Variants in RANBP17 observed in about 807,000 individuals in gnomAD.
RANBP17 encodes ran-binding protein 17.
RANBP17 carries 158 observed loss-of-function variants against 141.2 expected under a neutral mutation model. The ratio of observed to expected loss-of-function variants is 1.12; its 90% CI spans 0.98 to 1.28. RANBP17 has a LOEUF of 1.28. Among genes scored for constraint, RANBP17 ranks in the 50% most tolerant of loss-of-function variants. RANBP17 has a pLI of 0.00. For missense variants in RANBP17, 1,438 were observed against 1,290.7 expected (o/e 1.11, Z -1.75); for synonymous variants, 430 against 450.0 (o/e 0.96, Z 0.56).
intron 14 of RANBP17, among the ~76,000 whole-genome samples, chr5:171,089,560 C>T (rs931507160): frequency 1.0e-3 from 152 of 151,968 alleles, no homozygotes; most frequent in Middle Eastern, 3.4e-3. Flanking sequence ...CCCCCGGCCT[C>T]GCTGCTGCCT....
At chr5:171,195,349 G>C (rs946502230) in intron 18 of RANBP17, among the ~76,000 whole-genome samples, 2 of 152,160 alleles carry the variant, frequency 1.3e-5, no homozygotes, top group African/African-American at 4.8e-5. Context: ...AATGATACCT[G>C]TATGGTAATA....
intron 25 of RANBP17, among the ~76,000 whole-genome samples, chr5:171,276,338 A>G (rs1486027044): frequency 6.6e-6 from 1 of 152,232 alleles, no homozygotes; most frequent in Non-Finnish European, 1.5e-5. Flanking sequence ...AAACAGAATG[A>G]TGTCATTTTA....
chr5:170,947,323 G>A (rs775725873), intron 12 of RANBP17, among the ~76,000 whole-genome samples: 18 of 151,852 alleles, frequency 1.2e-4, no homozygotes, highest in Non-Finnish European at 2.2e-4. Context: ...TATACCCAGC[G>A]TTGTTTTAGG....
At chr5:171,005,198 C>G (rs1779508654) in intron 14 of RANBP17, among the ~76,000 whole-genome samples, 1 of 152,108 alleles carries the variant, frequency 6.6e-6, no homozygotes, top group Non-Finnish European at 1.5e-5. Flanking sequence ...AATGCCATCC[C>G]CATGAAGCTG....
At chr5:170,940,100 T>C (rs547886542) in intron 12 of RANBP17, among the ~76,000 whole-genome samples, 1 of 152,306 alleles carries the variant, frequency 6.6e-6, no homozygotes, top group East Asian at 1.9e-4. Flanking sequence ...TTAAACCAGA[T>C]TATAAATTTG....
intron 25 of RANBP17, among the ~76,000 whole-genome samples, chr5:171,272,690 G>A (rs1767200588): frequency 6.6e-6 from 1 of 152,160 alleles, no homozygotes; most frequent in African/African-American, 2.4e-5. Context: ...CACATAAAAT[G>A]AGGCAAGTTG....
intron 14 of RANBP17, among the ~76,000 whole-genome samples, chr5:171,026,716 C>T (rs778158779): frequency 3.0e-4 from 46 of 152,266 alleles, no homozygotes; most frequent in Non-Finnish European, 5.9e-4. Context: ...AAAGTTACAA[C>T]TGGTTTACAA....
At chr5:171,093,023 A>AT in intron 14 of RANBP17, among the ~76,000 whole-genome samples, 1 of 152,174 alleles carries the variant, frequency 6.6e-6, no homozygotes, top group South Asian at 2.1e-4. Flanking sequence ...TGCCACTCCA[A>AT]TTTTCTACCA....
At chr5:171,047,012 G>GA (rs1782629981) in intron 14 of RANBP17, among the ~76,000 whole-genome samples, 1 of 112,306 alleles carries the variant, frequency 8.9e-6, no homozygotes, top group Non-Finnish European at 1.9e-5. Flanking sequence ...GTTTTATTTT[G>GA]CCTTTTTTTT....
At chr5:170,926,073 T>C (rs1224585526) in intron 12 of RANBP17, among the ~76,000 whole-genome samples, 1 of 152,222 alleles carries the variant, frequency 6.6e-6, no homozygotes, top group East Asian at 1.9e-4. Context: ...TTTGTACTAT[T>C]TGACATCCTA....
At chr5:170,921,854 G>T (rs1463113758) in intron 11 of RANBP17, among the ~76,000 whole-genome samples, 3 of 152,126 alleles carry the variant, frequency 2.0e-5, no homozygotes, top group African/African-American at 7.2e-5. Flanking sequence ...TCTCCGTCCA[G>T]TTTTGTTCCC....
At chr5:171,271,380 A>G (rs1767109666) in intron 25 of RANBP17, 1 of 211,334 alleles carries the variant, frequency 4.7e-6, no homozygotes, top group Admixed American at 5.9e-5. Context: ...TAACCAAGAC[A>G]TCTTTCATAC....
intron 14 of RANBP17, among the ~76,000 whole-genome samples, chr5:170,981,229 G>T (rs1344732367): frequency 6.6e-6 from 1 of 150,596 alleles, no homozygotes; most frequent in African/African-American, 2.4e-5. Context: ...GAAGGAACTT[G>T]CCTTATCTCA....
At chr5:171,015,029 A>G (rs965637629) in intron 14 of RANBP17, among the ~76,000 whole-genome samples, 1 of 151,950 alleles carries the variant, frequency 6.6e-6, no homozygotes, top group South Asian at 2.1e-4. Flanking sequence ...ATCTGCTGTA[A>G]TCCTTTTCTC....
chr5:171,196,660 G>A (rs1282367920), intron 18 of RANBP17, among the ~76,000 whole-genome samples: 1 of 152,160 alleles, frequency 6.6e-6, no homozygotes, highest in East Asian at 1.9e-4. Context: ...GGTGGTTACA[G>A]ATGTTTTGTC....
chr5:171,107,015 G>A (rs1016818218), intron 14 of RANBP17, among the ~76,000 whole-genome samples: 1 of 130,226 alleles, frequency 7.7e-6, no homozygotes. Context: ...TAGGACCCAC[G>A]TATCTTTTGT....
intron 14 of RANBP17, among the ~76,000 whole-genome samples, chr5:171,086,899 C>T (rs1203256555): frequency 7.1e-6 from 1 of 140,774 alleles, no homozygotes. Context: ...TTTTGTTGAT[C>T]CTTTCAAAAA....
chr5:170,868,108 T>G lies in RANBP17; in HGVS notation c.18+6057T>G, dbSNP rs1006134225. Reference sequence around the variant, plus strand: ...TTTTTACTTGCTATATAAAAATAACTCATCATTTAGGGGCCAATTCTGTGT... The same window carrying G: ...TTTTTACTTGCTATATAAAAATAACGCATCATTTAGGGGCCAATTCTGTGT... On this transcript the variant is annotated intron_variant, in intron 1 of 27. Transcript: ENST00000523189. Among the ~76,000 whole-genome samples the G allele has an allele frequency of 2.6e-5, 4 of 152,196 alleles. No homozygotes were observed. The East Asian group carries it at 7.7e-4, about 29-fold the overall frequency.
At chr5:171,158,466 G>A (rs1252845182) in intron 14 of RANBP17, 5 of 187,428 alleles carry the variant, frequency 2.7e-5, no homozygotes, top group Non-Finnish European at 5.6e-5. Context: ...AATTGGAAAT[G>A]CATTTCCATG....
Sources: allele counts gnomAD v4.1 joint callset (sites outside exome capture counted in the v4.1 genomes callset), GRCh38; gene constraint gnomAD v4.1.1; transcripts MANE v1.5; gene names NCBI Gene and HGNC (gene_info 2026-07-23, HGNC 2026-07-21).